INPP4B: variants seen among roughly 807,000 people sequenced by gnomAD.
The protein encoded by INPP4B is inositol polyphosphate-4-phosphatase type II B.
A neutral mutation model predicts 122.5 loss-of-function variants in INPP4B; 55 were observed. The observed-to-expected ratio is 0.45, with a 90% CI of 0.36 to 0.56. The LOEUF is 0.56. Ranked by LOEUF, INPP4B falls within the 20% of genes least tolerant of loss-of-function variation. The pLI is 0.00. For synonymous variants in INPP4B, 403 were observed against 388.7 expected (o/e 1.04, Z -0.43); for missense variants, 1,000 against 1,097.7 (o/e 0.91, Z 1.26).
At chr4:142,459,616 G>A (rs1041711297) in intron 3 of INPP4B, among the ~76,000 whole-genome samples, 31 of 152,118 alleles carry the variant, frequency 2.0e-4, no homozygotes, top group Admixed American at 2.0e-3. Context: ...TTTCAGATGG[G>A]TGATTATTCA....
intron 19 of INPP4B, among the ~76,000 whole-genome samples, chr4:142,124,374 C>T (rs1353626923): frequency 6.6e-6 from 1 of 152,066 alleles, no homozygotes; most frequent in African/African-American, 2.4e-5. Context: ...AGAGACTTGG[C>T]CATCTCTTTT....
At chr4:142,092,573 G>A (rs1228499913) in intron 23 of INPP4B, among the ~76,000 whole-genome samples, 1 of 152,198 alleles carries the variant, frequency 6.6e-6, no homozygotes, top group Non-Finnish European at 1.5e-5. Flanking sequence ...TTACAGGCAT[G>A]AGCCACCGTG....
intron 2 of INPP4B, among the ~76,000 whole-genome samples, chr4:142,565,641 G>C (rs1312669479): frequency 2.0e-5 from 3 of 152,150 alleles, no homozygotes; most frequent in Non-Finnish European, 4.4e-5. Flanking sequence ...ACTAAAATTA[G>C]TGGCAAAGGT....
intron 25 of INPP4B, among the ~76,000 whole-genome samples, chr4:142,035,651 C>T (rs1743393246): frequency 6.6e-6 from 1 of 152,156 alleles, no homozygotes; most frequent in East Asian, 1.9e-4. Flanking sequence ...TTATGTACCA[C>T]CCCAGACTAT....
chr4:142,123,271 T>C, intron 20 of INPP4B, 21 bp downstream of exon 20: 3 of 1,533,262 alleles, frequency 2.0e-6, no homozygotes, highest in Non-Finnish European at 2.6e-6. Context: ...TGATTTTAAC[T>C]TGTACTAAAG....
At chr4:142,164,375 C>T (rs1380092461) in intron 16 of INPP4B, among the ~76,000 whole-genome samples, 2 of 151,854 alleles carry the variant, frequency 1.3e-5, no homozygotes, top group African/African-American at 4.8e-5. Flanking sequence ...ACCTGTAATA[C>T]AGAAGCAGCC....
At chr4:142,612,246 T>C (rs145040839) in intron 2 of INPP4B, among the ~76,000 whole-genome samples, 20 of 152,324 alleles carry the variant, frequency 1.3e-4, no homozygotes, top group African/African-American at 4.6e-4. Flanking sequence ...GAGTGATCCA[T>C]ACTTTGGTAA....
chr4:142,102,460 C>CT lies in INPP4B; in HGVS notation c.2374+5632dup, dbSNP rs35404733. ...TTGGCAAGGTGGATGTGAACAAAGT[C>CT]TTTTTTTTTTTTTTTTTTTTTGAAG... On this transcript the variant is annotated intron_variant, in intron 23 of 25. Coordinates refer to ENST00000262992, the MANE Select transcript of INPP4B (RefSeq NM_001101669.3). 8.1e-3 allele frequency among the ~76,000 whole-genome samples: 803 copies of CT among 99,670 alleles called. 10 individuals are homozygous for CT. The highest frequency in any genetic ancestry group is 0.02 in the African/African-American group (591 of 29,488). 65.4% of individuals were successfully genotyped at this position (99,670 alleles called of 152,430 possible).
At chr4:142,792,490 A>AT (rs1267699408) in intron 1 of INPP4B, among the ~76,000 whole-genome samples, 2 of 151,960 alleles carry the variant, frequency 1.3e-5, no homozygotes, top group Non-Finnish European at 2.9e-5. Flanking sequence ...GTGCTGTATG[A>AT]TTTTCCATCA....
chr4:142,695,272 G>C (rs888911717), intron 2 of INPP4B, among the ~76,000 whole-genome samples: 5 of 152,104 alleles, frequency 3.3e-5, no homozygotes, highest in African/African-American at 4.8e-5. Flanking sequence ...AGGAACTGAA[G>C]GGTCCCTAAT....
At chr4:142,555,928 G>A (rs1049293944) in intron 2 of INPP4B, among the ~76,000 whole-genome samples, 52 of 151,866 alleles carry the variant, frequency 3.4e-4, no homozygotes, top group South Asian at 1.0e-3. Context: ...AGCAGAAAGT[G>A]CATGCTGTGT....
In INPP4B at chr4:142,751,188, T is replaced by C. The variant is rs1461841870; in HGVS notation, c.-253-25287A>G. On this transcript the variant is annotated intron_variant, in intron 1 of 25. Coordinates refer to ENST00000262992, the MANE Select transcript of INPP4B (RefSeq NM_001101669.3). Reference sequence around the variant, plus strand: ...AGGGGCATTAGTCAAATGATAAAAGTGAGCTCTAAGAATAGTATAAATGAA... The same window carrying C: ...AGGGGCATTAGTCAAATGATAAAAGCGAGCTCTAAGAATAGTATAAATGAA... Among the ~76,000 whole-genome samples, 4 of 150,862 alleles carry C rather than the reference T, an allele frequency of 2.7e-5. No homozygotes were observed. The East Asian group carries it at 7.9e-4, about 30-fold the overall frequency.
rs1444043026 is a variant in INPP4B, at chr4:142,588,008, G to A, written c.-190-125282C>T. On this transcript the variant is annotated intron_variant, in intron 2 of 25. Coordinates refer to ENST00000262992, the MANE Select transcript of INPP4B (RefSeq NM_001101669.3). ...ATTTATTTCAGTTATGCAAGTCTGG[G>A]TCAACATATGAAAATAAATGTAATT... 2.0e-5 allele frequency among the ~76,000 whole-genome samples: 3 copies of A among 151,908 alleles called. No homozygotes were observed. The East Asian group carries it at 5.8e-4, about 29-fold the overall frequency.
intron 25 of INPP4B, among the ~76,000 whole-genome samples, chr4:142,075,740 T>A (rs896594941): frequency 2.6e-5 from 4 of 151,996 alleles, no homozygotes; most frequent in African/African-American, 9.7e-5. Flanking sequence ...CTTTAAGTCA[T>A]CTCATTTATC....
Position 142,253,471 on chromosome 4 carries a change from G to C in INPP4B, c.688+7021C>G, listed in dbSNP as rs371096356. ...GTTCATCTCACTAGGGAGTGCCAGA[G>C]AGTGGGCGCAGGTCAGTGGGTGCGC... On this transcript the variant is annotated intron_variant, in intron 11 of 25. Coordinates refer to ENST00000262992, the MANE Select transcript of INPP4B (RefSeq NM_001101669.3). Among the ~76,000 whole-genome samples, 41 of 152,338 alleles carry C rather than the reference G, an allele frequency of 2.7e-4. 2 individuals are homozygous for C. In the East Asian group the frequency reaches 5.8e-3, roughly 22 times the overall value.
chr4:142,205,742 A>G (rs538326124), intron 14 of INPP4B, among the ~76,000 whole-genome samples: 1 of 152,292 alleles, frequency 6.6e-6, no homozygotes, highest in South Asian at 2.1e-4. Context: ...AAAATAATAT[A>G]AACATTTTAC....
At chr4:142,253,863 G>A (rs1396066786) in intron 11 of INPP4B, among the ~76,000 whole-genome samples, 1 of 152,140 alleles carries the variant, frequency 6.6e-6, no homozygotes, top group Non-Finnish European at 1.5e-5. Context: ...ACAGCTCAAG[G>A]AGGCCTGCCT....
intron 25 of INPP4B, among the ~76,000 whole-genome samples, chr4:142,061,061 G>A (rs28577071): frequency 0.026 from 3,891 of 152,210 alleles, 186 homozygotes; most frequent in African/African-American, 0.089. Context: ...CACAGAAACC[G>A]TATTCCAATA....
chr4:142,381,231 C>T lies in INPP4B; in HGVS notation c.372+21707G>A, dbSNP rs189260419. ...ATTCAATCAGCAATGTATGAGAGTA[C>T]GCTTTTTCTCACATCCTGCCAGCAA... is the stretch of plus-strand genomic sequence containing the variant. On this transcript the variant is annotated intron_variant, in intron 7 of 25. Coordinates refer to ENST00000262992, the MANE Select transcript of INPP4B (RefSeq NM_001101669.3). Among the ~76,000 whole-genome samples the T allele has an allele frequency of 4.3e-3, 653 of 152,114 alleles. 4 individuals are homozygous for T. The highest frequency in any genetic ancestry group is 0.012 in the Admixed American group (176 of 15,268).
Sources: allele counts gnomAD v4.1 joint callset (sites outside exome capture counted in the v4.1 genomes callset), GRCh38; gene constraint gnomAD v4.1.1; transcripts MANE v1.5; gene names NCBI Gene and HGNC (gene_info 2026-07-23, HGNC 2026-07-21).